Variants in DNAJC13 observed in about 807,000 individuals in gnomAD.
DNAJC13 encodes the protein dnaJ homolog subfamily C member 13.
Under a neutral mutation model 290.5 loss-of-function variants are expected in DNAJC13, and 75 were observed. The observed-to-expected ratio is 0.26, with a 90% CI of 0.21 to 0.31. DNAJC13 has a LOEUF of 0.31. Among genes scored for constraint, DNAJC13 ranks in the 10% least tolerant of loss-of-function variants. The probability of loss-of-function intolerance (pLI) is 1.00; values close to 1 mark genes in which losing one functional copy is unlikely to be tolerated. For synonymous variants in DNAJC13, 862 were observed against 892.0 expected (o/e 0.97, Z 0.60); for missense variants, 2,260 against 2,674.5 (o/e 0.85, Z 3.42).
intron 48 of DNAJC13, among the ~76,000 whole-genome samples, chr3:132,520,233 C>T (rs965822894): frequency 1.3e-5 from 2 of 152,112 alleles, no homozygotes; most frequent in African/African-American, 4.8e-5. Context: ...AGGAAAATAG[C>T]CATGGACAGT....
intron 22 of DNAJC13, 46 bp from the exon 23 acceptor site, chr3:132,477,743 A>T (rs558433167): frequency 6.9e-7 from 1 of 1,456,068 alleles, no homozygotes; most frequent in African/African-American, 1.4e-5. Flanking sequence ...AAATTGCCAA[A>T]ATCTATTGTA....
intron 2 of DNAJC13, among the ~76,000 whole-genome samples, chr3:132,435,678 G>A (rs186565880): frequency 5.9e-5 from 9 of 152,282 alleles, no homozygotes; most frequent in Admixed American, 5.9e-4. Context: ...AGGGAGAAAA[G>A]TGGCATATCC....
rs1936153414 is a variant in DNAJC13 at position 132,523,303 on chromosome 3, A to G, written c.5886+104A>G. 22 of 1,361,198 alleles carry G rather than the reference A, an allele frequency of 1.6e-5. No individual in the cohort carries two copies. In the South Asian group the frequency reaches 2.1e-4, roughly 13 times the overall value. 84.3% of individuals were successfully genotyped at this position (1,361,198 alleles called of 1,614,324 possible). On this transcript the variant is annotated intron_variant, in intron 50 of 55. Coordinates refer to ENST00000260818, the MANE Select transcript of DNAJC13 (RefSeq NM_015268.4). ...GACCTATAACTACTTTGTCATCAAG[A>G]CTCTTGGGTATTCCCCTGGAAAATA...
rs1935857102 is a variant in DNAJC13 at position 132,514,249 on chromosome 3, C to T, written c.5386-322C>T. ...TACTGAAGACATTTGCTTTTTTCCT[C>T]TAAAAGTAAGAGTCCCAGTAGTGAG... On this transcript the variant is annotated intron_variant, in intron 45 of 55. Coordinates refer to ENST00000260818, the MANE Select transcript of DNAJC13 (RefSeq NM_015268.4). Among the ~76,000 whole-genome samples the T allele has an allele frequency of 2.0e-5, 3 of 152,098 alleles. No homozygotes were observed. In the South Asian group the frequency reaches 6.2e-4, roughly 32 times the overall value.
chr3:132,513,079 G>A lies in DNAJC13; in HGVS notation c.5365G>A (p.Val1789Met). Reference sequence around the variant, plus strand: ...TCTCCGAGTTCATGGAGCTGGTCAAGTGCAGCAGTTGGCTTTAGAGGTAAA... The same window carrying A: ...TCTCCGAGTTCATGGAGCTGGTCAAATGCAGCAGTTGGCTTTAGAGGTAAA... Reference protein sequence around the residue: ...SLLRVHGAGQVQQLALEVVNI... With the variant: ...SLLRVHGAGQMQQLALEVVNI... The change falls in exon 45 of 56, where the codon GTG becomes ATG. Residue 1789 changes from valine to methionine, a missense_variant. By Grantham distance (21) the Val-to-Met change is conservative. Transcript: ENST00000260818. 1 of 1,613,362 alleles carries A rather than the reference G, an allele frequency of 6.2e-7. No homozygotes were observed. The highest frequency in any genetic ancestry group is 8.5e-7 in the Non-Finnish European group (1 of 1,179,438).
At chr3:132,428,482 A>T (rs1347209256) in intron 1 of DNAJC13, among the ~76,000 whole-genome samples, 1 of 152,098 alleles carries the variant, frequency 6.6e-6, no homozygotes, top group Non-Finnish European at 1.5e-5. Context: ...TCTAAAATTT[A>T]TATTTAAATA....
Position 132,473,076 on chromosome 3 carries a change from T to G in DNAJC13, c.2209-69T>G, listed in dbSNP as rs1934338839. 59 of 1,011,932 alleles carry G rather than the reference T, an allele frequency of 5.8e-5. 1 individual carries two copies. The South Asian group carries it at 8.5e-4, about 15-fold the overall frequency. The allele number at this position is 1,011,932 out of a possible 1,614,324, so 62.7% of individuals were successfully genotyped here. ...GAAATGTTTCTCATCACGTATAAAT[T>G]GATGATCTTCTGACTAAGCCTATTT... On this transcript the variant is annotated intron_variant, in intron 20 of 55. Coordinates refer to ENST00000260818, the MANE Select transcript of DNAJC13 (RefSeq NM_015268.4).
At chr3:132,439,283 G>A (rs1466922376) in intron 2 of DNAJC13, among the ~76,000 whole-genome samples, 1 of 152,148 alleles carries the variant, frequency 6.6e-6, no homozygotes, top group Non-Finnish European at 1.5e-5. Context: ...ATTGAGAGAA[G>A]TGCTGAGACA....
chr3:132,479,148 G>C, intron 24 of DNAJC13, 79 bp from the exon 25 acceptor site: 6 of 831,326 alleles, frequency 7.2e-6, no homozygotes, highest in Non-Finnish European at 9.7e-6. Context: ...TGGGCTGTTG[G>C]TTTATTTTGT....
chr3:132,516,861 A>G (rs1295561945), intron 48 of DNAJC13, 45 bp downstream of exon 48: 10 of 1,446,314 alleles, frequency 6.9e-6, no homozygotes, highest in Non-Finnish European at 9.6e-6. Context: ...TTATTAAAGC[A>G]TTGTTACTTT....
chr3:132,471,398 C>T (rs1403447328), intron 20 of DNAJC13, among the ~76,000 whole-genome samples: 4 of 147,332 alleles, frequency 2.7e-5, no homozygotes, highest in African/African-American at 9.9e-5. Flanking sequence ...AGATGCTCCT[C>T]ACTTCCCAGA....
intron 27 of DNAJC13, 53 bp from the exon 28 acceptor site, chr3:132,483,322 T>C: frequency 6.9e-7 from 1 of 1,446,882 alleles, no homozygotes. Flanking sequence ...AAAACACTAG[T>C]GAGGTTTTTC....
intron 46 of DNAJC13, 90 bp from the exon 47 acceptor site, chr3:132,516,332 C>T (rs1935918062): frequency 6.2e-6 from 7 of 1,132,782 alleles, no homozygotes; most frequent in Non-Finnish European, 9.3e-6. Flanking sequence ...CTGTGTAGAA[C>T]ATCTAGTTAA....
At chr3:132,468,647 G>T (rs181543936) in intron 20 of DNAJC13, among the ~76,000 whole-genome samples, 10 of 151,932 alleles carry the variant, frequency 6.6e-5, no homozygotes, top group Admixed American at 3.3e-4. Context: ...TTCATAAATC[G>T]GAATAACAAT....
intron 1 of DNAJC13, among the ~76,000 whole-genome samples, chr3:132,429,908 T>G (rs1463390946): frequency 6.6e-6 from 1 of 152,196 alleles, no homozygotes; most frequent in Non-Finnish European, 1.5e-5. Context: ...ACATCACTTG[T>G]TGCTTTCTTA....
At chr3:132,490,170 C>T (rs149188533) in intron 31 of DNAJC13, among the ~76,000 whole-genome samples, 9 of 152,264 alleles carry the variant, frequency 5.9e-5, no homozygotes, top group African/African-American at 2.2e-4. Context: ...GTCTTTGCAC[C>T]ACATGATAAA....
At position 132,523,139 on chromosome 3, in the gene DNAJC13, T is replaced by C. The variant is rs754739029; in HGVS notation, c.5844-18T>C. 2 of 1,613,904 alleles carry C rather than the reference T, an allele frequency of 1.2e-6. No individual in the cohort carries two copies. The highest frequency in any genetic ancestry group is 1.7e-6 in the Non-Finnish European group (2 of 1,179,860). On this transcript the variant is annotated intron_variant, in intron 49 of 55. Coordinates refer to ENST00000260818, the MANE Select transcript of DNAJC13 (RefSeq NM_015268.4). ...ATTTGTGACTGAAGTTTGGTATCCA[T>C]CCCTTTTTTTCCCCAAGGCACTTTA...
intron 29 of DNAJC13, among the ~76,000 whole-genome samples, chr3:132,486,271 T>A (rs1202545526): frequency 6.6e-6 from 1 of 151,968 alleles, no homozygotes; most frequent in African/African-American, 2.4e-5. Context: ...GCTGCATATG[T>A]GAGGTGATGC....
At chr3:132,484,808 C>A in intron 29 of DNAJC13, 136 bp downstream of exon 29, 1 of 749,094 alleles carries the variant, frequency 1.3e-6, no homozygotes, top group Non-Finnish European at 2.2e-6. Flanking sequence ...GAGTCTCACA[C>A]CTCCAATCCC....
Sources: allele counts gnomAD v4.1 joint callset (sites outside exome capture counted in the v4.1 genomes callset), GRCh38; gene constraint gnomAD v4.1.1; transcripts MANE v1.5; gene names NCBI Gene and HGNC (gene_info 2026-07-23, HGNC 2026-07-21).